The following CPXM2 variants were observed in gnomAD, a reference collection of about 807,000 sequenced individuals.
The protein encoded by CPXM2 is inactive carboxypeptidase-like protein X2.
CPXM2 carries 66 observed loss-of-function variants against 86.1 expected under a neutral mutation model. The ratio of observed to expected loss-of-function variants is 0.77; its 90% CI spans 0.63 to 0.94. CPXM2 has a LOEUF of 0.94. Among genes scored for constraint, CPXM2 ranks in the 40% least tolerant of loss-of-function variants. The probability of loss-of-function intolerance (pLI) is 0.00; values close to 1 mark genes in which losing one functional copy is unlikely to be tolerated. For synonymous variants in CPXM2, 388 were observed against 400.2 expected (o/e 0.97, Z 0.36); for missense variants, 948 against 1,026.3 (o/e 0.92, Z 1.04).
Position 123,910,615 on chromosome 10 carries a change from A to G in CPXM2, n.174+28862T>C, listed in dbSNP as rs891919709. Among the ~76,000 whole-genome samples the G allele has an allele frequency of 5.9e-5, 9 of 152,310 alleles. No individual in the cohort carries two copies. In the South Asian group the frequency reaches 6.2e-4, roughly 11 times the overall value. ...GAATCATCAGTTACTAGACATTTGC[A>G]TAAGTGAGTTAGGCATAACTGGTGT... is the stretch of plus-strand genomic sequence containing the variant. On this transcript the variant is annotated intron_variant and non_coding_transcript_variant, in intron 2 of 19. Coordinates refer to the CPXM2 transcript ENST00000368854.
rs2134057941 is a variant in CPXM2 at position 123,793,746 on chromosome 10, C to A, written c.889+4230G>T. Among the ~76,000 whole-genome samples, 2 of 152,246 alleles carry A rather than the reference C, an allele frequency of 1.3e-5. 1 individual carries two copies. The highest frequency in any genetic ancestry group is 4.1e-4 in the South Asian group (2 of 4,824). ...TTGATGCCCTCTACCTAACTCCTAT[C>A]TTTTTAAGAGTCCAGGCCTGGGGAC... On this transcript the variant is annotated intron_variant, in intron 6 of 13. Transcript: ENST00000241305.
At chr10:123,803,684 CAG>C (rs1847513240) in intron 4 of CPXM2, among the ~76,000 whole-genome samples, 1 of 151,952 alleles carries the variant, frequency 6.6e-6, no homozygotes, top group Admixed American at 6.6e-5. Context: ...TTTTTTGAGA[CAG>C]AGTCTCTCTC....
Position 123,868,005 on chromosome 10 carries a change from G to A in CPXM2, c.404-5282C>T, listed in dbSNP as rs147391855. 1.3e-3 allele frequency among the ~76,000 whole-genome samples: 195 copies of A among 152,336 alleles called. 2 individuals carry two copies. The highest frequency in any genetic ancestry group is 4.2e-3 in the African/African-American group (175 of 41,566). ...AGCCACGTAAGAGAGAGGAGGTCTG[G>A]GGAATCTTAAACCTGCAGAATGGTC... is the stretch of plus-strand genomic sequence containing the variant. On this transcript the variant is annotated intron_variant, in intron 2 of 13. Coordinates refer to ENST00000241305, the MANE Select transcript of CPXM2 (RefSeq NM_198148.3).
At chr10:123,905,100 CT>C (rs1393495525) in intron 2 of CPXM2, among the ~76,000 whole-genome samples, 1 of 152,226 alleles carries the variant, frequency 6.6e-6, no homozygotes, top group Non-Finnish European at 1.5e-5. Flanking sequence ...TGGAGCTTCC[CT>C]GAGTGAGGCT....
At chr10:123,938,777 G>A (rs372644529) in intron 2 of CPXM2, among the ~76,000 whole-genome samples, 2 of 152,226 alleles carry the variant, frequency 1.3e-5, no homozygotes, top group African/African-American at 4.8e-5. Flanking sequence ...AGTAGAAAGA[G>A]AGAGGGGTCA....
rs989404385 is a variant in CPXM2 at position 123,798,243 on chromosome 10, G to A, written c.739-117C>T. ...TTGAGGAAAACCTAATGTGTGCTGTGCATTGAAAAGAAAAAAAAAAAAAAA... is the reference window on the plus strand; with the variant it reads ...TTGAGGAAAACCTAATGTGTGCTGTACATTGAAAAGAAAAAAAAAAAAAAA... On this transcript the variant is annotated intron_variant, in intron 5 of 13. Transcript: ENST00000241305. 33 of 712,884 alleles carry A rather than the reference G, an allele frequency of 4.6e-5. No homozygotes were observed. The East Asian group carries it at 9.2e-4, about 20-fold the overall frequency. 44.2% of individuals were successfully genotyped at this position (712,884 alleles called of 1,614,324 possible). A position where few individuals can be genotyped will look rare whatever the true frequency, so the allele number is the denominator to read the frequency against.
chr10:123,768,800 G>A (rs1177995652), intron 8 of CPXM2, 78 bp from the exon 9 acceptor site: 2 of 1,291,978 alleles, frequency 1.5e-6, no homozygotes, highest in Admixed American at 1.8e-5. Context: ...CATTGTGTTG[G>A]GGGGAAAGTC....
chr10:123,855,207 A>T (rs1041286521), intron 3 of CPXM2, among the ~76,000 whole-genome samples: 1 of 152,182 alleles, frequency 6.6e-6, no homozygotes, highest in Non-Finnish European at 1.5e-5. Context: ...TTGAAGCCAG[A>T]TGTAGAACAA....
chr10:123,795,518 G>A (rs1346171269), intron 6 of CPXM2, among the ~76,000 whole-genome samples: 2 of 152,126 alleles, frequency 1.3e-5, no homozygotes, highest in Admixed American at 6.5e-5. Flanking sequence ...AAACCACGAG[G>A]TCACCTTGGG....
At chr10:123,785,905 T>C (rs1471317596) in intron 6 of CPXM2, among the ~76,000 whole-genome samples, 1 of 152,164 alleles carries the variant, frequency 6.6e-6, no homozygotes, top group Admixed American at 6.5e-5. Context: ...AGTGCTGGGA[T>C]TACAGGTGTA....
intron 2 of CPXM2, among the ~76,000 whole-genome samples, chr10:123,937,469 CA>C (rs796359361): frequency 4.4e-4 from 34 of 77,418 alleles, no homozygotes; most frequent in African/African-American, 1.7e-3. Flanking sequence ...GACAACAAAA[CA>C]ACACACACAC....
intron 2 of CPXM2, among the ~76,000 whole-genome samples, chr10:123,867,121 T>G (rs1314525699): frequency 6.6e-6 from 1 of 152,190 alleles, no homozygotes; most frequent in African/African-American, 2.4e-5. Flanking sequence ...TTTAAAACAT[T>G]TTTTAAGTTA....
chr10:123,817,288 A>G (rs1405101765), intron 4 of CPXM2, among the ~76,000 whole-genome samples: 1 of 152,170 alleles, frequency 6.6e-6, no homozygotes, highest in African/African-American at 2.4e-5. Flanking sequence ...GACCCAGCAG[A>G]TCCAATGGTG....
chr10:123,929,971 C>T (rs1945653594), intron 2 of CPXM2, among the ~76,000 whole-genome samples: 1 of 152,198 alleles, frequency 6.6e-6, no homozygotes, highest in South Asian at 2.1e-4. Flanking sequence ...CAGAGGTTCC[C>T]ACCACCTCCC....
At chr10:123,902,921 C>G (rs371271686) in intron 2 of CPXM2, among the ~76,000 whole-genome samples, 1 of 152,208 alleles carries the variant, frequency 6.6e-6, no homozygotes, top group African/African-American at 2.4e-5. Context: ...AAGGCCACCT[C>G]CCCACCGTGC....
chr10:123,918,872 C>CT (rs1049110825), intron 2 of CPXM2, among the ~76,000 whole-genome samples: 8 of 152,204 alleles, frequency 5.3e-5, no homozygotes, highest in South Asian at 2.1e-4. Context: ...TCTCCTCTTT[C>CT]TTTTTTTCCT....
chr10:123,809,688 C>T (rs1262260439), intron 4 of CPXM2, among the ~76,000 whole-genome samples: 1 of 151,914 alleles, frequency 6.6e-6, no homozygotes, highest in East Asian at 1.9e-4. Flanking sequence ...GATGAAGAAC[C>T]TGAGACACAT....
At chr10:123,930,175 C>T (rs114714555) in intron 2 of CPXM2, among the ~76,000 whole-genome samples, 1,554 of 145,792 alleles carry the variant, frequency 0.011, 19 homozygotes, top group African/African-American at 0.039. Context: ...GTTCTCAGCT[C>T]TCCTGGGAAA....
chr10:123,866,002 C>T (rs1191062270), intron 2 of CPXM2, among the ~76,000 whole-genome samples: 2 of 152,172 alleles, frequency 1.3e-5, no homozygotes, highest in Non-Finnish European at 2.9e-5. Flanking sequence ...TCCACCCCCA[C>T]ACCACACACA....
Sources: allele counts gnomAD v4.1 joint callset (sites outside exome capture counted in the v4.1 genomes callset), GRCh38; gene constraint gnomAD v4.1.1; transcripts MANE v1.5; gene names NCBI Gene and HGNC (gene_info 2026-07-23, HGNC 2026-07-21).